Variants in NR0B1 observed in about 807,000 individuals in gnomAD.
NR0B1 encodes nuclear receptor subfamily 0 group B member 1, also known as DSS-AHC critical region on the X chromosome protein 1.
A neutral mutation model predicts 23.0 loss-of-function variants in NR0B1; 3 were observed. That is an observed-to-expected ratio of 0.13 (90% CI 0.06 to 0.34). The LOEUF is 0.34. NR0B1 is among the 10% of genes least tolerant of loss of function. The probability of loss-of-function intolerance (pLI) is 1.00; values close to 1 mark genes in which losing one functional copy is unlikely to be tolerated. For missense variants in NR0B1, 350 were observed against 402.9 expected (o/e 0.87, Z 1.12); for synonymous variants, 205 against 184.0 (o/e 1.11, Z -0.92).
rs2147006517 is a variant in NR0B1 at position 30,308,524 on chromosome X, C to T, written c.840G>A (p.Leu280=). Residue 280 remains leucine, a synonymous_variant, in exon 1 of 2, where the codon CTG becomes CTA. Coordinates refer to ENST00000378970, the MANE Select transcript of NR0B1 (RefSeq NM_000475.5). Reference sequence around the variant, plus strand: ...TGCGCACCAGCACCAGCTGCTGGTCCAGGGGCAGCACCTGGAAGCAGGGCA... The same window carrying T: ...TGCGCACCAGCACCAGCTGCTGGTCTAGGGGCAGCACCTGGAAGCAGGGCA... ...KYLPCFQVLP[L]DQQLVLVRNC... is the part of the protein sequence containing the mutation. The T allele has an allele frequency of 8.3e-7, 1 of 1,204,540 alleles. No homozygotes were observed. The highest frequency in any genetic ancestry group is 1.1e-6 in the Non-Finnish European group (1 of 892,311).
intron 1 of NR0B1, 110 bp downstream of exon 1, chrX:30,308,086 C>T (rs962725499): frequency 1.4e-5 from 9 of 627,939 alleles, no homozygotes; most frequent in Admixed American, 2.5e-5. Flanking sequence ...ACCTTTGCCC[C>T]GACACTCTCC....
Position 30,309,089 on chromosome X carries a change from G to A in NR0B1, c.275C>T (p.Ala92Val). ...SMLTSAKQTYAAPKAPEATLG... is the reference protein window; with the variant it reads ...SMLTSAKQTYVAPKAPEATLG... ...CGTCGCCTCGGGCGCCTTCGGTGCC[G>A]CGTACGTTTGCTTTGCGCTCGTCAG... Residue 92 changes from alanine to valine, a missense_variant, in exon 1 of 2, where the codon GCG becomes GTG. Physicochemically the swap from Ala to Val is moderately conservative, Grantham distance 64. Coordinates refer to ENST00000378970, the MANE Select transcript of NR0B1 (RefSeq NM_000475.5). 2 of 1,202,307 alleles carry A rather than the reference G, an allele frequency of 1.7e-6. No homozygotes were observed. The highest frequency in any genetic ancestry group is 1.1e-6 in the Non-Finnish European group (1 of 892,999).
rs58777171 is a variant in NR0B1 at position 30,306,577 on chromosome X, ATGTGTGTG to A, written c.1168+1611_1168+1618del. Among the ~76,000 whole-genome samples, 568 of 92,333 alleles carry A rather than the reference ATGTGTGTG, an allele frequency of 6.2e-3. 2 individuals are homozygous for A. The highest frequency in any genetic ancestry group is 0.019 in the African/African-American group (490 of 25,329). 80.2% of individuals were successfully genotyped at this position (92,333 alleles called of 115,157 possible). On this transcript the variant is annotated intron_variant, in intron 1 of 1. Transcript: ENST00000378970. Reference sequence around the variant, plus strand: ...AAAAGTCAATCAAGAATAAGGAAGAATGTGTGTGTGTGTGTGTGTGTGTGTGTGTGTGT... The same window carrying A: ...AAAAGTCAATCAAGAATAAGGAAGAATGTGTGTGTGTGTGTGTGTGTGTGT...
intron 1 of NR0B1, 88 bp from the exon 2 acceptor site, chrX:30,304,911 CCAATTAAACAAGACCCAAAG>C (rs1190230843): frequency 1.8e-6 from 2 of 1,089,249 alleles, no homozygotes; most frequent in African/African-American, 3.7e-5. Flanking sequence ...CTGTTTCATC[CCAATTAAACAAGACCCAAAG>C]CTTCCCGGTT....
chrX:30,304,540 G>A lies in NR0B1; in HGVS notation c.*39C>T, dbSNP rs745827190. 7.5e-6 allele frequency: 9 copies of A among 1,197,274 alleles called. No homozygotes were observed. The highest frequency in any genetic ancestry group is 1.0e-5 in the Non-Finnish European group (9 of 884,620). On this transcript the variant is annotated 3_prime_UTR_variant, in exon 2 of 2. Transcript: ENST00000378970. ...CCACAGCTCTTTATTCTTCCCTCAT[G>A]GTGAACTGCACTACTGCACTTGTGT... is the stretch of plus-strand genomic sequence containing the variant.
rs1383103596 is a variant in NR0B1, at chrX:30,308,461, C to G, written c.903G>C (p.Gln301His). The G allele has an allele frequency of 7.5e-6, 9 of 1,198,699 alleles. No individual in the cohort carries two copies. Among genetic ancestry groups the G allele is most frequent in the Non-Finnish European group, 1.0e-5 (9 of 889,442 alleles). Residue 301 changes from glutamine to histidine, a missense_variant, in exon 1 of 2, where the codon CAG (glutamine) becomes CAC (histidine). Physicochemically the swap from Gln to His is conservative, Grantham distance 24 (BLOSUM62 0). Transcript: ENST00000378970. ...CCACAGTCTCGAACTGCAAGCGGTC[C>G]TGGGCCAGCTCAAGCATGAGCAGGG... is the stretch of plus-strand genomic sequence containing the variant. Reference protein sequence around the residue: ...WASLLMLELAQDRLQFETVEV... With the variant: ...WASLLMLELAHDRLQFETVEV...
chrX:30,308,197 C>A lies in NR0B1; in HGVS notation c.1167G>T (p.Pro389=), dbSNP rs747993637. The stretch of plus-strand genomic sequence containing the variant: ...GGCGCCTAAGGCCAGTACCCTTACC[C>A]GGGTTAAAGAGCACGGTCCCCTTGA... The part of the protein sequence containing the change: ...AYLKGTVLFN[P]DVPGLQCVKY... The change falls in exon 1 of 2, where the codon CCG becomes CCT. Residue 389 remains proline, a splice_region_variant and synonymous_variant. Coordinates refer to ENST00000378970, the MANE Select transcript of NR0B1 (RefSeq NM_000475.5). 4.1e-6 allele frequency: 5 copies of A among 1,205,555 alleles called. No individual in the cohort carries two copies. In the South Asian group the frequency reaches 8.8e-5, roughly 21 times the overall value.
chrX:30,308,256 T>G lies in NR0B1; in HGVS notation c.1108A>C (p.Ser370Arg). The change falls in exon 1 of 2, where the codon AGT becomes CGT. Residue 370 changes from serine to arginine, a missense_variant. Coordinates refer to ENST00000378970, the MANE Select transcript of NR0B1 (RefSeq NM_000475.5). Reference sequence around the variant, plus strand: ...TACTCCTTGGTACTGATGTTCAGACTCCAGCATTTGGAAAGAAAGCACTTG... The same window carrying G: ...TACTCCTTGGTACTGATGTTCAGACGCCAGCATTTGGAAAGAAAGCACTTG... Reference protein sequence around the residue: ...AIKCFLSKCWSLNISTKEYAY... With the variant: ...AIKCFLSKCWRLNISTKEYAY... 1 of 1,209,934 alleles carries G rather than the reference T, an allele frequency of 8.3e-7. No individual in the cohort carries two copies.
In NR0B1 at chrX:30,304,336, AT is replaced by A. The variant is rs373100951; in HGVS notation, c.*242del. 3,622 of 302,578 alleles carry A rather than the reference AT, an allele frequency of 0.012. 47 individuals are homozygous for A. Among genetic ancestry groups the A allele is most frequent in the African/African-American group, 0.062 (2,241 of 36,384 alleles). The allele number at this position is 302,578 out of a possible 1,213,427, so 24.9% of individuals were successfully genotyped here. On this transcript the variant is annotated 3_prime_UTR_variant, in exon 2 of 2. Transcript: ENST00000378970. ...TAGCTTATTATACTAGTACCCTGCT[AT>A]TTTTTTTTTAAAAGATGTACAGAGC... is the stretch of plus-strand genomic sequence containing the variant.
chrX:30,304,691 A>C lies in NR0B1; in HGVS notation c.1301T>G (p.Phe434Cys), dbSNP rs1265591379. 1.7e-6 allele frequency: 2 copies of C among 1,208,846 alleles called. No individual in the cohort carries two copies. Among genetic ancestry groups the C allele is most frequent in the African/African-American group, 3.5e-5 (2 of 56,924 alleles). ...ATTGGCATTGATGAATCTCAGCAGG[A>C]AAAGGGTACTATTAAGTTCGATGAA... ...DRFIELNSTL[F>C]LLRFINANVI... The change falls in exon 2 of 2, where the codon TTC (phenylalanine) becomes TGC (cysteine). Residue 434 changes from phenylalanine to cysteine, a missense_variant. Physicochemically the swap from Phe to Cys is radical, Grantham distance 205. Around this residue, in one of 2 missense-constraint regions of NR0B1, gnomAD observed 52 missense variants for 88.9 expected, o/e 0.58. Coordinates refer to ENST00000378970, the MANE Select transcript of NR0B1 (RefSeq NM_000475.5).
chrX:30,304,406 G>A lies in NR0B1; in HGVS notation c.*173C>T, dbSNP rs751982802. ...ATGTCTTCTTTAACTATGGAACAGAGAAATTTGTGACTGTCTGGAATAAAA... is the reference window on the plus strand; with the variant it reads ...ATGTCTTCTTTAACTATGGAACAGAAAAATTTGTGACTGTCTGGAATAAAA... On this transcript the variant is annotated 3_prime_UTR_variant, in exon 2 of 2. Coordinates refer to ENST00000378970, the MANE Select transcript of NR0B1 (RefSeq NM_000475.5). 112 of 532,980 alleles carry A rather than the reference G, an allele frequency of 2.1e-4. No homozygotes were observed. In the African/African-American group the frequency reaches 2.5e-3, roughly 12 times the overall value. The allele number at this position is 532,980 out of a possible 1,213,427, so 43.9% of individuals were successfully genotyped here.
chrX:30,306,267 C>A (rs1926514928), intron 1 of NR0B1, among the ~76,000 whole-genome samples: 1 of 111,416 alleles, frequency 9.0e-6, no homozygotes. Flanking sequence ...ACCCCTCCAC[C>A]TTCTCCCCAC....
Position 30,304,677 on chromosome X carries a change from T to C in NR0B1, c.1315A>G (p.Ile439Val). Residue 439 changes from isoleucine (I) to valine (V), a missense_variant, in exon 2 of 2, where the codon ATC (isoleucine) becomes GTC (valine). Coordinates refer to ENST00000378970, the MANE Select transcript of NR0B1 (RefSeq NM_000475.5). Reference sequence around the variant, plus strand: ...AGTTCAGCAATGACATTGGCATTGATGAATCTCAGCAGGAAAAGGGTACTA... The same window carrying C: ...AGTTCAGCAATGACATTGGCATTGACGAATCTCAGCAGGAAAAGGGTACTA... ...LNSTLFLLRF[I>V]NANVIAELFF... is the part of the protein sequence containing the mutation. 8.3e-7 allele frequency: 1 copy of C among 1,210,909 alleles called. No individual in the cohort carries two copies.
chrX:30,305,754 A>G, intron 1 of NR0B1: 1 of 448,722 alleles, frequency 2.2e-6, no homozygotes, highest in Non-Finnish European at 3.9e-6. Context: ...CATGATGATA[A>G]TATCGTTGCA....
chrX:30,308,227 G>A lies in NR0B1; in HGVS notation c.1137C>T (p.Ala379=). The change falls in exon 1 of 2, where the codon GCC becomes GCT. Residue 379 remains alanine (A), a synonymous_variant. Transcript: ENST00000378970. The part of the protein sequence containing the change: ...WSLNISTKEY[A]YLKGTVLFNP... ...TAAAGAGCACGGTCCCCTTGAGGTA[G>A]GCGTACTCCTTGGTACTGATGTTCA... is the stretch of plus-strand genomic sequence containing the variant. 8.3e-7 allele frequency: 1 copy of A among 1,210,670 alleles called. No homozygotes were observed. The highest frequency in any genetic ancestry group is 1.1e-6 in the Non-Finnish European group (1 of 894,243).
At position 30,304,518 on chromosome X, in the gene NR0B1, C is replaced by T. The variant is rs1926484470; in HGVS notation, c.*61G>A. The T allele has an allele frequency of 2.6e-6, 3 of 1,158,034 alleles. No homozygotes were observed. In the East Asian group the frequency reaches 8.9e-5, roughly 34 times the overall value. Reference sequence around the variant, plus strand: ...AAAATATTTTACACTCTTTTGCCCACAGCTCTTTATTCTTCCCTCATGGTG... The same window carrying T: ...AAAATATTTTACACTCTTTTGCCCATAGCTCTTTATTCTTCCCTCATGGTG... On this transcript the variant is annotated 3_prime_UTR_variant, in exon 2 of 2. Coordinates refer to ENST00000378970, the MANE Select transcript of NR0B1 (RefSeq NM_000475.5).
intron 1 of NR0B1, among the ~76,000 whole-genome samples, chrX:30,306,285 GT>G (rs1415913876): frequency 9.0e-6 from 1 of 110,967 alleles, no homozygotes; most frequent in Non-Finnish European, 1.9e-5. Flanking sequence ...CACCCAAGTG[GT>G]TCCCCCCCAC....
At position 30,308,669 on chromosome X, in the gene NR0B1, C is replaced by T; in HGVS notation, c.695G>A (p.Arg232Lys). The change falls in exon 1 of 2, where the codon AGG becomes AAG. Residue 232 changes from arginine (R) to lysine (K), a missense_variant. Arg to Lys is a conservative substitution (Grantham distance 26, BLOSUM62 2). This residue lies in a region of NR0B1 where 298 missense variants were observed against 314.0 expected (regional missense o/e 0.95). Coordinates refer to ENST00000378970, the MANE Select transcript of NR0B1 (RefSeq NM_000475.5). The part of the protein sequence containing the change: ...QAQAAPEERP[R>K]APWWDTSSGA... ...AGAGGAGGTGTCCCACCAGGGGGCC[C>T]TCGGCCGCTCCTCCGGAGCCGCCTG... The T allele has an allele frequency of 8.3e-7, 1 of 1,201,729 alleles. No homozygotes were observed. Among genetic ancestry groups the T allele is most frequent in the Non-Finnish European group, 1.1e-6 (1 of 890,986 alleles).
Position 30,308,958 on chromosome X carries a change from C to T in NR0B1, c.406G>A (p.Gly136Ser). Residue 136 changes from glycine (G) to serine (S), a missense_variant, in exon 1 of 2, where the codon GGT becomes AGT. By Grantham distance (56) the Gly-to-Ser change is moderately conservative (BLOSUM62 0). Around this residue, in one of 2 missense-constraint regions of NR0B1, gnomAD observed 298 missense variants for 314.0 expected, o/e 0.95. Coordinates refer to ENST00000378970, the MANE Select transcript of NR0B1 (RefSeq NM_000475.5). ...CTGCCCTGCCGCGGGTGGTCTTCAC[C>T]ACAAAAGCAGCAGCGGTACAGGAGT... The part of the protein sequence containing the change: ...VALLYRCCFC[G>S]EDHPRQGSIL... 3 of 1,211,278 alleles carry T rather than the reference C, an allele frequency of 2.5e-6. No individual in the cohort carries two copies. Among genetic ancestry groups the T allele is most frequent in the Non-Finnish European group, 3.4e-6 (3 of 895,421 alleles).
Sources: gnomAD v4.1 joint callset for allele counts (sites outside exome capture counted in the v4.1 genomes callset) on GRCh38, gnomAD v4.1.1 for gene constraint, gnomAD v4.1.1 regional missense constraint, MANE v1.5 for transcripts, NCBI Gene and HGNC (gene_info 2026-07-23, HGNC 2026-07-21) for gene names.